GALNTL6: variants seen among roughly 807,000 people sequenced by gnomAD.
GALNTL6 encodes the protein polypeptide N-acetylgalactosaminyltransferase like 6, also known as polypeptide N-acetylgalactosaminyltransferase-like 6.
Under a neutral mutation model 73.7 loss-of-function variants are expected in GALNTL6, and 46 were observed. That is an observed-to-expected ratio of 0.62 (90% CI 0.49 to 0.80). The LOEUF (loss-of-function observed/expected upper bound fraction) is 0.80, where lower values mean the gene tolerates loss of function less well. Ranked by LOEUF, GALNTL6 falls within the 30% of genes least tolerant of loss-of-function variation. The pLI, the probability that GALNTL6 is intolerant of heterozygous loss-of-function variation, is 0.00. For synonymous variants in GALNTL6, 259 were observed against 263.7 expected, an observed-to-expected ratio of 0.98 and a Z score of 0.17; for missense variants, 604 against 755.0, an observed-to-expected ratio of 0.80 and a Z score of 2.34.
chr4:172,316,662 CCT>C (rs770901447), intron 4 of GALNTL6, among the ~76,000 whole-genome samples: 29 of 152,176 alleles, frequency 1.9e-4, no homozygotes, highest in Non-Finnish European at 3.4e-4. Flanking sequence ...AGTCCTGTTT[CCT>C]GTAGTTTCAG....
chr4:171,952,188 T>G (rs1446420802), intron 2 of GALNTL6, among the ~76,000 whole-genome samples: 1 of 151,986 alleles, frequency 6.6e-6, no homozygotes. Context: ...CATATGTCAA[T>G]AAATTTAAAG....
At chr4:172,919,789 C>T (rs1747706007) in intron 8 of GALNTL6, among the ~76,000 whole-genome samples, 1 of 152,016 alleles carries the variant, frequency 6.6e-6, no homozygotes, top group Non-Finnish European at 1.5e-5. Context: ...CAGGTTAGGT[C>T]CTTAATTACA....
At chr4:172,377,355 T>C (rs1743069948) in intron 5 of GALNTL6, among the ~76,000 whole-genome samples, 1 of 152,214 alleles carries the variant, frequency 6.6e-6, no homozygotes, top group Admixed American at 6.5e-5. Context: ...AGAGTGCTGA[T>C]TGGTGTGTTT....
At chr4:172,263,355 T>G (rs1017457319) in intron 3 of GALNTL6, among the ~76,000 whole-genome samples, 6 of 151,516 alleles carry the variant, frequency 4.0e-5, no homozygotes, top group African/African-American at 7.2e-5. Context: ...TGGGTTGATT[T>G]GAAAGCCTTG....
At chr4:172,608,127 T>TAGTA (rs1315261292) in intron 5 of GALNTL6, among the ~76,000 whole-genome samples, 4 of 152,184 alleles carry the variant, frequency 2.6e-5, no homozygotes, top group African/African-American at 9.6e-5. Context: ...AGAAACTCTC[T>TAGTA]AGTTTAATTA....
chr4:172,822,182 C>G (rs1402641532), intron 7 of GALNTL6, among the ~76,000 whole-genome samples: 1 of 152,134 alleles, frequency 6.6e-6, no homozygotes, highest in Non-Finnish European at 1.5e-5. Context: ...GTTAATTATT[C>G]TACTGTACCT....
chr4:171,999,906 A>G (rs1391669885), intron 2 of GALNTL6, among the ~76,000 whole-genome samples: 1 of 152,182 alleles, frequency 6.6e-6, no homozygotes, highest in African/African-American at 2.4e-5. Flanking sequence ...CCTAACACCG[A>G]TATTCATAAT....
At chr4:172,693,991 C>G (rs896114897) in intron 5 of GALNTL6, among the ~76,000 whole-genome samples, 20 of 152,144 alleles carry the variant, frequency 1.3e-4, no homozygotes, top group African/African-American at 4.6e-4. Context: ...AATTATGACA[C>G]AGACATATCA....
chr4:171,819,297 A>G (rs776398516), intron 2 of GALNTL6, among the ~76,000 whole-genome samples: 1 of 152,166 alleles, frequency 6.6e-6, no homozygotes. Context: ...TGTAACAAGT[A>G]TCTTAATTAT....
At chr4:171,929,150 C>T (rs867831009) in intron 2 of GALNTL6, among the ~76,000 whole-genome samples, 5 of 152,164 alleles carry the variant, frequency 3.3e-5, no homozygotes, top group Middle Eastern at 3.4e-3. Context: ...CACTGCAGCC[C>T]CCACCTCCCA....
At chr4:173,023,955 G>A (rs1207517540) in intron 12 of GALNTL6, among the ~76,000 whole-genome samples, 1 of 151,968 alleles carries the variant, frequency 6.6e-6, no homozygotes, top group Non-Finnish European at 1.5e-5. Context: ...ATAGCTGACT[G>A]GCCATTTGCT....
chr4:172,923,347 T>C (rs965006836), intron 8 of GALNTL6, among the ~76,000 whole-genome samples: 2 of 152,046 alleles, frequency 1.3e-5, no homozygotes, highest in African/African-American at 4.8e-5. Context: ...TCAGCTCTCA[T>C]AAGACTTATT....
At position 172,842,552 on chromosome 4, in the gene GALNTL6, A is replaced by G. The variant is rs536160091; in HGVS notation, c.923+28829A>G. Among the ~76,000 whole-genome samples the G allele has an allele frequency of 1.3e-3, 199 of 152,216 alleles. 1 individual carries two copies. Among genetic ancestry groups the G allele is most frequent in the African/African-American group, 4.6e-3 (192 of 41,558 alleles). On this transcript the variant is annotated intron_variant, in intron 7 of 12. Coordinates refer to ENST00000506823, the MANE Select transcript of GALNTL6 (RefSeq NM_001034845.3). ...GTTTTAAGGCATTGATGCAAATTCT[A>G]GGAAATCCCAGTTCACAAGGTGTAA...
At chr4:172,964,975 T>G (rs1462885287) in intron 10 of GALNTL6, among the ~76,000 whole-genome samples, 1 of 152,242 alleles carries the variant, frequency 6.6e-6, no homozygotes, top group Non-Finnish European at 1.5e-5. Context: ...TCCTGCTATT[T>G]CCCTGGCAAC....
chr4:173,003,778 A>G lies in GALNTL6; in HGVS notation c.1372-5400A>G, dbSNP rs1752149947. Among the ~76,000 whole-genome samples, 3 of 152,334 alleles carry G rather than the reference A, an allele frequency of 2.0e-5. No individual in the cohort carries two copies. The South Asian group carries it at 6.2e-4, about 32-fold the overall frequency. On this transcript the variant is annotated intron_variant, in intron 10 of 12. Transcript: ENST00000506823. The stretch of plus-strand genomic sequence containing the variant: ...GTGTCCTTCTGTCATTTTACTGTGT[A>G]CATTCAATTCTACTCATCCTCCAGG...
At chr4:172,310,285 T>A (rs76769377) in intron 3 of GALNTL6, among the ~76,000 whole-genome samples, 5 of 151,720 alleles carry the variant, frequency 3.3e-5, no homozygotes, top group African/African-American at 1.2e-4. Context: ...TTTTTTTTTT[T>A]AATATGACAG....
chr4:172,001,335 C>T (rs755233716), intron 2 of GALNTL6, among the ~76,000 whole-genome samples: 3 of 152,120 alleles, frequency 2.0e-5, no homozygotes, highest in Non-Finnish European at 4.4e-5. Context: ...GTCCAGAGTA[C>T]ACTGCATATC....
chr4:172,180,589 G>T (rs1032850582), intron 2 of GALNTL6, among the ~76,000 whole-genome samples: 1 of 152,044 alleles, frequency 6.6e-6, no homozygotes, highest in South Asian at 2.1e-4. Flanking sequence ...TAGGCTTCAC[G>T]TGTAAGTCTT....
At chr4:172,626,770 G>A (rs1425445890) in intron 5 of GALNTL6, among the ~76,000 whole-genome samples, 6 of 152,016 alleles carry the variant, frequency 3.9e-5, no homozygotes, top group Non-Finnish European at 2.9e-5. Context: ...AAATGGCATT[G>A]CATTCTTGAT....
Sources: allele counts gnomAD v4.1 joint callset (sites outside exome capture counted in the v4.1 genomes callset), GRCh38; gene constraint gnomAD v4.1.1; transcripts MANE v1.5; gene names NCBI Gene and HGNC (gene_info 2026-07-23, HGNC 2026-07-21).